Variants in SLC4A4 observed in about 807,000 individuals in gnomAD.
SLC4A4 encodes the protein solute carrier family 4 member 4.
A neutral mutation model predicts 111.5 loss-of-function variants in SLC4A4; 27 were observed. That is an observed-to-expected ratio of 0.24 (90% confidence interval 0.18 to 0.33). SLC4A4 has a LOEUF of 0.33. SLC4A4 is among the 10% of genes least tolerant of loss of function. SLC4A4 has a pLI of 1.00. For missense variants in SLC4A4, 909 were observed against 1,315.5 expected (o/e 0.69, Z 4.78); for synonymous variants, 443 against 463.4 (o/e 0.96, Z 0.57).
intron 6 of SLC4A4, among the ~76,000 whole-genome samples, chr4:71,374,785 GT>G (rs558530187): frequency 0.021 from 3,083 of 146,332 alleles, 91 homozygotes; most frequent in African/African-American, 0.063. Context: ...TTGTAAAACA[GT>G]TTTTTTTTTT....
chr4:71,319,252 A>G (rs1044404438), intron 3 of SLC4A4, among the ~76,000 whole-genome samples: 1 of 151,710 alleles, frequency 6.6e-6, no homozygotes, highest in African/African-American at 2.4e-5. Flanking sequence ...TTTCCTTTTC[A>G]TTCTGTCTTT....
At chr4:71,107,687 C>T (rs1742978669) in intron 2 of SLC4A4, among the ~76,000 whole-genome samples, 1 of 139,140 alleles carries the variant, frequency 7.2e-6, no homozygotes. Flanking sequence ...TTAATCCTTT[C>T]TCATTTCTTT....
intron 12 of SLC4A4, among the ~76,000 whole-genome samples, chr4:71,457,600 T>C (rs1239028376): frequency 2.0e-5 from 3 of 152,110 alleles, no homozygotes; most frequent in Non-Finnish European, 4.4e-5. Flanking sequence ...TATGTGACAT[T>C]CTTATTTTCC....
chr4:71,344,134 G>C (rs1369464032), intron 4 of SLC4A4, among the ~76,000 whole-genome samples: 2 of 151,908 alleles, frequency 1.3e-5, no homozygotes, highest in African/African-American at 4.8e-5. Flanking sequence ...AGCTCTGTGA[G>C]GGCAGAAATT....
intron 16 of SLC4A4, among the ~76,000 whole-genome samples, chr4:71,526,630 G>C (rs1733445952): frequency 1.3e-5 from 2 of 152,052 alleles, no homozygotes; most frequent in Non-Finnish European, 2.9e-5. Context: ...TTCTATGGCT[G>C]TTTTGTCAAG....
At chr4:71,145,182 C>A (rs926648243) in intron 2 of SLC4A4, among the ~76,000 whole-genome samples, 1 of 152,058 alleles carries the variant, frequency 6.6e-6, no homozygotes, top group South Asian at 2.1e-4. Flanking sequence ...TGTCAAAGGC[C>A]TTTTCTGCAT....
intron 15 of SLC4A4, among the ~76,000 whole-genome samples, chr4:71,493,560 C>T (rs1463546496): frequency 1.3e-5 from 2 of 151,788 alleles, no homozygotes; most frequent in Non-Finnish European, 2.9e-5. Flanking sequence ...TCCCTTTGGT[C>T]CTCAGGCACC....
intron 2 of SLC4A4, among the ~76,000 whole-genome samples, chr4:71,173,627 A>G (rs945184739): frequency 2.0e-5 from 3 of 152,176 alleles, no homozygotes; most frequent in Admixed American, 6.5e-5. Flanking sequence ...TGCCTGCCTC[A>G]GCCTCCCAAA....
intron 3 of SLC4A4, among the ~76,000 whole-genome samples, chr4:71,281,341 G>A (rs561384505): frequency 3.9e-5 from 6 of 152,270 alleles, no homozygotes; most frequent in African/African-American, 9.6e-5. Flanking sequence ...ACAAGAGTAC[G>A]TTTGGTTTTG....
intron 16 of SLC4A4, among the ~76,000 whole-genome samples, chr4:71,505,282 T>A (rs1274296387): frequency 1.3e-5 from 2 of 152,094 alleles, no homozygotes; most frequent in Non-Finnish European, 1.5e-5. Context: ...ATAAAATGGA[T>A]ATATATAAAA....
chr4:71,352,279 G>T (rs1729911853), intron 5 of SLC4A4, among the ~76,000 whole-genome samples: 1 of 152,114 alleles, frequency 6.6e-6, no homozygotes, highest in South Asian at 2.1e-4. Flanking sequence ...ATAAATGTAG[G>T]GCAAACTGGA....
chr4:71,339,637 G>A, intron 4 of SLC4A4, 132 bp downstream of exon 4: 1 of 802,852 alleles, frequency 1.2e-6, no homozygotes, highest in South Asian at 1.5e-5. Context: ...GCTGGGATAA[G>A]GAGTAAATAA....
chr4:71,249,564 T>C (rs1232883699), intron 2 of SLC4A4, among the ~76,000 whole-genome samples: 1 of 152,120 alleles, frequency 6.6e-6, no homozygotes, highest in African/African-American at 2.4e-5. Context: ...ATGGACACTC[T>C]TATGGGTTTG....
intron 3 of SLC4A4, among the ~76,000 whole-genome samples, chr4:71,312,582 G>A (rs1433926449): frequency 6.6e-6 from 1 of 152,172 alleles, no homozygotes; most frequent in Non-Finnish European, 1.5e-5. Flanking sequence ...CCATGATCAA[G>A]TTGGCTTCAT....
chr4:71,432,501 T>A (rs1433851461), intron 7 of SLC4A4, among the ~76,000 whole-genome samples: 3 of 152,174 alleles, frequency 2.0e-5, no homozygotes, highest in Non-Finnish European at 4.4e-5. Flanking sequence ...TCTTTTCATA[T>A]CTGTAAGATG....
intron 16 of SLC4A4, among the ~76,000 whole-genome samples, chr4:71,520,938 C>T (rs1034452938): frequency 2.0e-5 from 3 of 152,064 alleles, no homozygotes; most frequent in African/African-American, 7.2e-5. Flanking sequence ...ATCCTCCCAC[C>T]TCAGAACTCC....
chr4:71,516,928 C>T (rs183895532), intron 16 of SLC4A4, among the ~76,000 whole-genome samples: 1 of 152,282 alleles, frequency 6.6e-6, no homozygotes, highest in Non-Finnish European at 1.5e-5. Context: ...ATCCCAGTCT[C>T]TCCTGGATTG....
chr4:71,437,896 G>A (rs1337391279), intron 7 of SLC4A4: 1 of 174,334 alleles, frequency 5.7e-6, no homozygotes, highest in Non-Finnish European at 1.2e-5. Flanking sequence ...TCTCTTGCTG[G>A]TGGGCAGAAC....
intron 4 of SLC4A4, among the ~76,000 whole-genome samples, chr4:71,348,906 G>T (rs951506835): frequency 6.6e-6 from 1 of 152,148 alleles, no homozygotes; most frequent in African/African-American, 2.4e-5. Context: ...AAGCCTTTGG[G>T]TGAAGAATGT....
Sources: allele counts gnomAD v4.1 joint callset (sites outside exome capture counted in the v4.1 genomes callset), GRCh38; gene constraint gnomAD v4.1.1; transcripts MANE v1.5; gene names NCBI Gene and HGNC (gene_info 2026-07-23, HGNC 2026-07-21).